Variants in THSD4 observed in about 807,000 individuals in gnomAD.
The protein encoded by THSD4 is thrombospondin type-1 domain-containing protein 4.
THSD4 carries 69 observed loss-of-function variants against 119.0 expected under a neutral mutation model. That is an observed-to-expected ratio of 0.58 (90% CI 0.48 to 0.71). The LOEUF (loss-of-function observed/expected upper bound fraction) is 0.71, where lower values mean the gene tolerates loss of function less well. THSD4 is among the 30% of genes least tolerant of loss of function. The probability of loss-of-function intolerance (pLI) is 0.00; values close to 1 mark genes in which losing one functional copy is unlikely to be tolerated. For synonymous variants in THSD4, 524 were observed against 540.4 expected (o/e 0.97, Z 0.42); for missense variants, 1,393 against 1,391.1 (o/e 1.00, Z -0.02).
At chr15:71,144,067 C>T (rs570445038) in intron 2 of THSD4, among the ~76,000 whole-genome samples, 1 of 152,232 alleles carries the variant, frequency 6.6e-6, no homozygotes, top group South Asian at 2.1e-4. Flanking sequence ...CCTTGACAGG[C>T]CTCCAGCACG....
chr15:71,344,661 T>C (rs79747514), intron 6 of THSD4, among the ~76,000 whole-genome samples: 1,567 of 152,246 alleles, frequency 0.01, 5 homozygotes, highest in Non-Finnish European at 0.018. Flanking sequence ...AATAATAAAT[T>C]GGGTGAAAAT....
At chr15:71,727,556 A>C in intron 8 of THSD4, among the ~76,000 whole-genome samples, 1 of 121,870 alleles carries the variant, frequency 8.2e-6, no homozygotes, top group Admixed American at 8.1e-5. Flanking sequence ...AAAAAAAAAT[A>C]TATATATATA....
intron 8 of THSD4, among the ~76,000 whole-genome samples, chr15:71,707,551 G>A (rs565220110): frequency 2.0e-5 from 3 of 152,134 alleles, no homozygotes; most frequent in South Asian, 2.1e-4. Context: ...CTCCAATCTC[G>A]GTAACAAACA....
In THSD4 at chr15:71,760,869, A is replaced by T. The variant is rs188393685; in HGVS notation, c.2589+2794A>T. ...ATGTGTGCTTTTCTCTGTGGATTAC[A>T]TTTTATCTACTATTTGAATTACTCC... On this transcript the variant is annotated intron_variant, in intron 15 of 17. Transcript: ENST00000261862. Among the ~76,000 whole-genome samples the T allele has an allele frequency of 6.6e-3, 1,009 of 152,204 alleles. 14 individuals are homozygous for T. The highest frequency in any genetic ancestry group is 0.023 in the African/African-American group (974 of 41,504).
chr15:71,659,975 C>T (rs1008416413), intron 7 of THSD4, among the ~76,000 whole-genome samples: 1 of 152,050 alleles, frequency 6.6e-6, no homozygotes, highest in Non-Finnish European at 1.5e-5. Flanking sequence ...GAAAAGTGCT[C>T]TGGGGTAACC....
Position 71,738,581 on chromosome 15 carries a change from A to G in THSD4, c.1906+574A>G, listed in dbSNP as rs560397910. On this transcript the variant is annotated intron_variant, in intron 11 of 17. Coordinates refer to ENST00000261862, the MANE Select transcript of THSD4 (RefSeq NM_024817.3). Reference sequence around the variant, plus strand: ...TTAATAAAGGAAAAGGTGTGTTGGCAAAGTCCTGGAGATGCCAGGCGCCAG... The same window carrying G: ...TTAATAAAGGAAAAGGTGTGTTGGCGAAGTCCTGGAGATGCCAGGCGCCAG... 1.7e-3 allele frequency among the ~76,000 whole-genome samples: 264 copies of G among 152,322 alleles called. 1 individual carries two copies. Among genetic ancestry groups the G allele is most frequent in the African/African-American group, 6.1e-3 (254 of 41,570 alleles).
intron 7 of THSD4, among the ~76,000 whole-genome samples, chr15:71,499,482 G>GTT (rs1163549108): frequency 7.7e-6 from 1 of 129,904 alleles, no homozygotes; most frequent in African/African-American, 3.0e-5. Flanking sequence ...TGGCACAATT[G>GTT]TTTTTTTTTT....
intron 7 of THSD4, among the ~76,000 whole-genome samples, chr15:71,467,891 C>T (rs1374795214): frequency 2.7e-5 from 4 of 150,736 alleles, no homozygotes; most frequent in African/African-American, 9.8e-5. Context: ...CTCTTGTCGC[C>T]CAGCTGCAGT....
intron 7 of THSD4, among the ~76,000 whole-genome samples, chr15:71,556,606 G>GA (rs1042132680): frequency 1.3e-5 from 2 of 151,962 alleles, no homozygotes; most frequent in Admixed American, 6.6e-5. Flanking sequence ...TTGAAAAATA[G>GA]AAAAAATGTT....
At chr15:71,655,324 C>T (rs2051168247) in intron 7 of THSD4, among the ~76,000 whole-genome samples, 1 of 152,072 alleles carries the variant, frequency 6.6e-6, no homozygotes, top group Admixed American at 6.5e-5. Flanking sequence ...TTATGGTGAA[C>T]CTTGGCCGAT....
At chr15:71,501,069 G>T (rs889255215) in intron 7 of THSD4, among the ~76,000 whole-genome samples, 3 of 152,154 alleles carry the variant, frequency 2.0e-5, no homozygotes, top group African/African-American at 7.2e-5. Context: ...GCTTTGGGTA[G>T]CATGGATATT....
intron 7 of THSD4, among the ~76,000 whole-genome samples, chr15:71,434,997 C>T (rs574434956): frequency 6.6e-6 from 1 of 152,170 alleles, no homozygotes; most frequent in South Asian, 2.1e-4. Context: ...CGGAGCCACC[C>T]GCTAAGACAG....
chr15:71,594,689 C>T (rs910351758), intron 7 of THSD4, among the ~76,000 whole-genome samples: 1 of 152,220 alleles, frequency 6.6e-6, no homozygotes, highest in African/African-American at 2.4e-5. Flanking sequence ...CGCTGGTGCT[C>T]AGACCTCCAT....
chr15:71,159,151 C>G (rs113324280), intron 3 of THSD4, among the ~76,000 whole-genome samples: 1 of 152,184 alleles, frequency 6.6e-6, no homozygotes, highest in Admixed American at 6.5e-5. Context: ...TTTCTGGGCT[C>G]TCTATTCTGT....
chr15:71,697,770 A>T (rs1418253846), intron 8 of THSD4, among the ~76,000 whole-genome samples: 1 of 152,222 alleles, frequency 6.6e-6, no homozygotes, highest in Non-Finnish European at 1.5e-5. Flanking sequence ...AGTATTTTGC[A>T]GGGGAGATGT....
chr15:71,547,733 T>C (rs2048859445), intron 7 of THSD4: 1 of 387,138 alleles, frequency 2.6e-6, no homozygotes, highest in Non-Finnish European at 4.5e-6. Flanking sequence ...TGCTCTGGCC[T>C]TGGTGACAGA....
intron 7 of THSD4, among the ~76,000 whole-genome samples, chr15:71,459,372 G>GTC (rs1227905954): frequency 2.1e-4 from 21 of 99,972 alleles, no homozygotes; most frequent in African/African-American, 3.9e-4. Context: ...CTGTCTCTCT[G>GTC]TCTCTCTGTC....
chr15:71,325,997 CTG>C (rs1169224058), intron 6 of THSD4, among the ~76,000 whole-genome samples: 2 of 152,150 alleles, frequency 1.3e-5, no homozygotes, highest in African/African-American at 4.8e-5. Context: ...ATTTCCACCT[CTG>C]TGATAAATGT....
intron 7 of THSD4, among the ~76,000 whole-genome samples, chr15:71,589,027 G>A (rs897788740): frequency 6.6e-6 from 1 of 152,170 alleles, no homozygotes; most frequent in Non-Finnish European, 1.5e-5. Context: ...AGACATTAGG[G>A]ACCTTTTGTG....
Sources: allele counts gnomAD v4.1 joint callset (sites outside exome capture counted in the v4.1 genomes callset), GRCh38; gene constraint gnomAD v4.1.1; transcripts MANE v1.5; gene names NCBI Gene and HGNC (gene_info 2026-07-23, HGNC 2026-07-21).